The following COBLL1 variants were observed in gnomAD, a reference collection of about 807,000 sequenced individuals.
COBLL1 encodes the protein cordon-bleu protein-like 1.
In COBLL1, 50 loss-of-function variants were observed where a neutral mutation model predicts 94.8. That is an observed-to-expected ratio of 0.53 (90% CI 0.42 to 0.67). COBLL1 has a LOEUF of 0.67. Ranked by LOEUF, COBLL1 falls within the 30% of genes least tolerant of loss-of-function variation. COBLL1 has a pLI of 0.00. For synonymous variants in COBLL1, 448 were observed against 473.8 expected (o/e 0.95, Z 0.71); for missense variants, 1,362 against 1,348.7 (o/e 1.01, Z -0.15).
rs115267565 is a variant in COBLL1, at chr2:164,669,999, C to T, written n.127-4098G>A. Among the ~76,000 whole-genome samples the T allele has an allele frequency of 1.4e-3, 212 of 152,264 alleles. 1 individual carries two copies. The highest frequency in any genetic ancestry group is 2.6e-3 in the Non-Finnish European group (177 of 68,022). On this transcript the variant is annotated intron_variant and non_coding_transcript_variant, in intron 1 of 2. Transcript: ENST00000495084. The stretch of plus-strand genomic sequence containing the variant: ...ATAGCTTGCTAGTGACTGTCATTGC[C>T]GCTCCTTGAACTGTTATTTTTCCAT...
At position 164,695,009 on chromosome 2, in the gene COBLL1, T is replaced by C; in HGVS notation, c.2383A>G (p.Asn795Asp). 6.2e-7 allele frequency: 1 copy of C among 1,613,982 alleles called. No individual in the cohort carries two copies. The highest frequency in any genetic ancestry group is 1.1e-5 in the South Asian group (1 of 91,072). ...ISESPEEPLP[N>D]LKPKPNLRTE... ...CTCAGGTTAGGCTTCGGTTTAAGGTTTGGCAGTGGCTCTTCTGGGCTTTCA... is the reference window on the plus strand; with the variant it reads ...CTCAGGTTAGGCTTCGGTTTAAGGTCTGGCAGTGGCTCTTCTGGGCTTTCA... The change falls in exon 12 of 14, where the codon AAC becomes GAC. Residue 795 changes from asparagine to aspartate, a missense_variant. Coordinates refer to ENST00000652658, the MANE Select transcript of COBLL1 (RefSeq NM_001365672.2).
chr2:164,819,948 C>A (rs999909644), intron 2 of COBLL1, among the ~76,000 whole-genome samples: 1 of 150,992 alleles, frequency 6.6e-6, no homozygotes, highest in Non-Finnish European at 1.5e-5. Flanking sequence ...GCCTCAGCCT[C>A]CCAAGCAGCT....
At chr2:164,789,426 GA>G (rs1295918705) in intron 2 of COBLL1, among the ~76,000 whole-genome samples, 1 of 152,038 alleles carries the variant, frequency 6.6e-6, no homozygotes, top group East Asian at 1.9e-4. Context: ...GATAGAATAT[GA>G]AGCAAAAATG....
At chr2:164,777,698 C>A (rs1380261302) in intron 2 of COBLL1, among the ~76,000 whole-genome samples, 2 of 152,112 alleles carry the variant, frequency 1.3e-5, no homozygotes, top group Non-Finnish European at 2.9e-5. Context: ...GAGTGTAAAA[C>A]AACTTCCTTA....
chr2:164,698,177 A>C (rs1287428302), intron 11 of COBLL1: 1 of 152,022 alleles, frequency 6.6e-6, no homozygotes, highest in Non-Finnish European at 1.5e-5. Context: ...AAAGAGAAAG[A>C]AGCAGCTTTT....
intron 1 of COBLL1, among the ~76,000 whole-genome samples, chr2:164,666,120 AATT>A (rs1226340870): frequency 6.6e-6 from 1 of 152,192 alleles, no homozygotes; most frequent in East Asian, 1.9e-4. Context: ...AGATATGTAT[AATT>A]ATTATATGTC....
At chr2:164,801,438 CAAAAAAAAAAAAAAAAAAA>C (rs143505097) in intron 2 of COBLL1, among the ~76,000 whole-genome samples, 1 of 28,184 alleles carries the variant, frequency 3.5e-5, no homozygotes, top group Non-Finnish European at 6.3e-5. Context: ...GACTCCGTCT[CAAAAAAAAAAAAAAAAAAA>C]AAAAAAAAAA....
chr2:164,832,148 T>C (rs963511939), intron 2 of COBLL1, among the ~76,000 whole-genome samples: 1 of 152,220 alleles, frequency 6.6e-6, no homozygotes, highest in African/African-American at 2.4e-5. Context: ...TACATGTGCA[T>C]GTGCATGAAG....
At position 164,805,315 on chromosome 2, in the gene COBLL1, CTCTCTCTCTCTCTCTCTCTCTCTATATA is replaced by C. The variant is rs1199153226; in HGVS notation, c.41+35813_41+35840del. Among the ~76,000 whole-genome samples, 5 of 36,764 alleles carry C rather than the reference CTCTCTCTCTCTCTCTCTCTCTCTATATA, an allele frequency of 1.4e-4. No homozygotes were observed. The South Asian group carries it at 2.5e-3, about 19-fold the overall frequency. 24.1% of individuals were successfully genotyped at this position (36,764 alleles called of 152,430 possible). A position where few individuals can be genotyped will look rare whatever the true frequency, so the allele number is the denominator to read the frequency against. On this transcript the variant is annotated intron_variant, in intron 2 of 13. Transcript: ENST00000652658. ...TCTCTCTCTCTCTCTCTCTCTCTCTCTCTCTCTCTCTCTCTCTCTCTCTATATATATATATATATATATATATAAAACT... is the reference window on the plus strand; with the variant it reads ...TCTCTCTCTCTCTCTCTCTCTCTCTCTATATATATATATATATATAAAACT...
chr2:164,676,886 A>G, downstream of COBLL1, among the ~76,000 whole-genome samples: 1 of 152,160 alleles, frequency 6.6e-6, no homozygotes, highest in Non-Finnish European at 1.5e-5. Flanking sequence ...TTCATTTTTA[A>G]CAGTAATACA....
chr2:164,717,248 TAA>T (rs896601439), intron 7 of COBLL1, among the ~76,000 whole-genome samples: 5 of 152,306 alleles, frequency 3.3e-5, no homozygotes, highest in Admixed American at 2.0e-4. Flanking sequence ...AAAAATTAAA[TAA>T]AAGTGTCTAA....
intron 13 of COBLL1, among the ~76,000 whole-genome samples, chr2:164,691,454 C>G (rs904542485): frequency 1.3e-5 from 2 of 152,080 alleles, no homozygotes; most frequent in African/African-American, 2.4e-5. Flanking sequence ...GTCTTAGATG[C>G]GGAGGTGCTT....
Position 164,692,328 on chromosome 2 carries a change from C to T in COBLL1, c.3193G>A (p.Val1065Ile), listed in dbSNP as rs528518029. Reference protein sequence around the residue: ...PTPTDGPSFTVMRQSSLTFQS... With the variant: ...PTPTDGPSFTIMRQSSLTFQS... ...AATGTTAAAGAACTTTGTCTCATAACAGTGAATGATGGGCCATCAGTTGGA... is the reference window on the plus strand; with the variant it reads ...AATGTTAAAGAACTTTGTCTCATAATAGTGAATGATGGGCCATCAGTTGGA... Residue 1065 changes from valine (V) to isoleucine (I), a missense_variant, in exon 13 of 14, where the codon GTT (valine) becomes ATT (isoleucine). By Grantham distance (29) the Val-to-Ile change is conservative. Transcript: ENST00000652658. The T allele has an allele frequency of 2.4e-4, 387 of 1,613,546 alleles. 6 individuals are homozygous for T. In the South Asian group the frequency reaches 4.0e-3, roughly 17 times the overall value.
upstream of COBLL1, chr2:164,841,870 C>T: frequency 1.0e-6 from 1 of 1,000,594 alleles, no homozygotes; most frequent in Non-Finnish European, 1.5e-6. This position sits in a 1 kb window ranked among gnomAD's most constrained non-coding sequence, Gnocchi z 5.5. Flanking sequence ...CGGGCAGGGC[C>T]GACTCAGCAC....
intron 2 of COBLL1, among the ~76,000 whole-genome samples, chr2:164,813,328 G>GA (rs1416073486): frequency 6.6e-6 from 1 of 152,048 alleles, no homozygotes; most frequent in Non-Finnish European, 1.5e-5. Flanking sequence ...TGTACCCCTT[G>GA]AAAGACCTCA....
At chr2:164,793,065 T>A (rs1683270661) in intron 2 of COBLL1, among the ~76,000 whole-genome samples, 1 of 152,098 alleles carries the variant, frequency 6.6e-6, no homozygotes. Context: ...TTCTTACTTT[T>A]GAAAAACAGG....
chr2:164,699,236 C>CA (rs1186630835), intron 11 of COBLL1, among the ~76,000 whole-genome samples, 169 bp downstream of exon 11: 1 of 151,830 alleles, frequency 6.6e-6, no homozygotes, highest in Non-Finnish European at 1.5e-5. Context: ...GTGGCACAAT[C>CA]ATCTGTAAAA....
intron 7 of COBLL1, among the ~76,000 whole-genome samples, chr2:164,706,986 C>T (rs1366661626): frequency 6.6e-6 from 1 of 152,122 alleles, no homozygotes; most frequent in African/African-American, 2.4e-5. Flanking sequence ...AATGGAATGG[C>T]TCACTCCACT....
At chr2:164,747,920 C>T (rs1016975291) in intron 2 of COBLL1, among the ~76,000 whole-genome samples, 7 of 152,050 alleles carry the variant, frequency 4.6e-5, no homozygotes, top group Non-Finnish European at 8.8e-5. Flanking sequence ...GCAATACAAC[C>T]GAGAAGATGC....
Sources: allele counts gnomAD v4.1 joint callset (sites outside exome capture counted in the v4.1 genomes callset), GRCh38; gene constraint gnomAD v4.1.1; non-coding constraint Gnocchi (gnomAD v3.1); transcripts MANE v1.5; gene names NCBI Gene and HGNC (gene_info 2026-07-23, HGNC 2026-07-21).